WWC1: variants seen among roughly 807,000 people sequenced by gnomAD.
WWC1 encodes WW and C2 domain containing 1.
Under a neutral mutation model 138.4 loss-of-function variants are expected in WWC1, and 55 were observed. That is an observed-to-expected ratio of 0.40 (90% confidence interval 0.32 to 0.50). The LOEUF is 0.50. Ranked by LOEUF, WWC1 falls within the 20% of genes least tolerant of loss-of-function variation. The pLI, the probability that WWC1 is intolerant of heterozygous loss-of-function variation, is 0.72. For missense variants in WWC1, 1,226 were observed against 1,420.4 expected (o/e 0.86, Z 2.20); for synonymous variants, 524 against 564.9 (o/e 0.93, Z 1.03).
At chr5:168,466,125 C>T (rs551032750) in intron 21 of WWC1, among the ~76,000 whole-genome samples, 1 of 152,246 alleles carries the variant, frequency 6.6e-6, no homozygotes, top group South Asian at 2.1e-4. Context: ...GGTACAGTTT[C>T]ACAGGGTATG....
At chr5:168,426,498 C>T (rs1313913176) in intron 11 of WWC1, among the ~76,000 whole-genome samples, 2 of 152,188 alleles carry the variant, frequency 1.3e-5, no homozygotes, top group Non-Finnish European at 2.9e-5. Flanking sequence ...ATGCCATCTC[C>T]AGAAGCCTTC....
At chr5:168,327,744 C>T (rs1198659322) in intron 1 of WWC1, among the ~76,000 whole-genome samples, 2 of 152,180 alleles carry the variant, frequency 1.3e-5, no homozygotes, top group Admixed American at 6.5e-5. Flanking sequence ...ATTCCCTTAA[C>T]AAAAGCCTGA....
intron 1 of WWC1, among the ~76,000 whole-genome samples, chr5:168,298,842 G>A (rs1262451265): frequency 1.3e-5 from 2 of 152,262 alleles, no homozygotes; most frequent in African/African-American, 4.8e-5. Flanking sequence ...TCAGCACTTT[G>A]GGAGGTCGAG....
chr5:168,372,053 T>TGTG (rs1776797418), intron 2 of WWC1, among the ~76,000 whole-genome samples: 1 of 141,262 alleles, frequency 7.1e-6, no homozygotes, highest in Non-Finnish European at 1.5e-5. Context: ...AAGAGTGTGT[T>TGTG]TGTGTGTGTG....
chr5:168,295,628 A>T (rs751180038), intron 1 of WWC1, among the ~76,000 whole-genome samples: 5 of 152,136 alleles, frequency 3.3e-5, no homozygotes, highest in Non-Finnish European at 7.4e-5. Flanking sequence ...GTGATTTCTT[A>T]GCCACCAAGG....
intron 19 of WWC1, among the ~76,000 whole-genome samples, chr5:168,458,395 C>T (rs574760298): frequency 9.3e-4 from 142 of 152,292 alleles, no homozygotes; most frequent in African/African-American, 3.3e-3. Flanking sequence ...CGGGTCTGAT[C>T]GTGAGTAGCC....
Position 168,464,877 on chromosome 5 carries a change from C to A in WWC1, c.3065C>A (p.Ala1022Asp). 6.2e-7 allele frequency: 1 copy of A among 1,614,206 alleles called. No individual in the cohort carries two copies. Among genetic ancestry groups the A allele is most frequent in the Non-Finnish European group, 8.5e-7 (1 of 1,180,036 alleles). Residue 1022 changes from alanine to aspartate, a missense_variant, in exon 21 of 23, where the codon GCC becomes GAC. Coordinates refer to ENST00000265293, the MANE Select transcript of WWC1 (RefSeq NM_015238.3). ...GAGCTCAAGGAGCAGCTGGAACAAG[C>A]CAAGAGCCACGGGGAGAAGGAGCTG... ...LKELKEQLEQ[A>D]KSHGEKELPQ...
intron 22 of WWC1, 137 bp from the exon 23 acceptor site, chr5:168,468,814 G>A: frequency 2.5e-6 from 2 of 808,956 alleles, no homozygotes; most frequent in East Asian, 2.7e-5. Context: ...CATCTAGAGG[G>A]TAAGAGGCCA....
Position 168,332,272 on chromosome 5 carries a change from G to A in WWC1, c.120-39152G>A, listed in dbSNP as rs557622567. 2.6e-5 allele frequency among the ~76,000 whole-genome samples: 4 copies of A among 152,222 alleles called. No homozygotes were observed. The East Asian group carries it at 7.7e-4, about 29-fold the overall frequency. On this transcript the variant is annotated intron_variant, in intron 1 of 22. Coordinates refer to ENST00000265293, the MANE Select transcript of WWC1 (RefSeq NM_015238.3). ...AGAAGGGGCTCAATCTTATACCATA[G>A]TTCATTCATTTCATTTAACTTCCTT... is the stretch of plus-strand genomic sequence containing the variant.
Position 168,414,343 on chromosome 5 carries a change from C to T in WWC1, c.942-5C>T, listed in dbSNP as rs763470128. 7.4e-6 allele frequency: 12 copies of T among 1,612,352 alleles called. No homozygotes were observed. The highest frequency in any genetic ancestry group is 5.0e-5 in the Admixed American group (3 of 59,834). ...ACCAGTCATGCTTGCTTTCTTGGCC[C>T]CCAGGATCGCCAACCTGAAGATCCA... On this transcript the variant is annotated splice_region_variant and splice_polypyrimidine_tract_variant and intron_variant, in intron 8 of 22. Transcript: ENST00000265293.
chr5:168,401,498 A>G (rs978293286), intron 5 of WWC1, among the ~76,000 whole-genome samples: 2 of 152,130 alleles, frequency 1.3e-5, no homozygotes, highest in Non-Finnish European at 2.9e-5. Flanking sequence ...TCCAAGCCCT[A>G]TTAGTTGAGG....
At position 168,352,558 on chromosome 5, in the gene WWC1, C is replaced by T. The variant is rs534931766; in HGVS notation, c.120-18866C>T. Among the ~76,000 whole-genome samples, 15 of 151,566 alleles carry T rather than the reference C, an allele frequency of 9.9e-5. No individual in the cohort carries two copies. In the South Asian group the frequency reaches 3.2e-3, roughly 32 times the overall value. ...CTTGACCTCTCCATGCCTTAGTTTT[C>T]ATCTGAAATGAGGATTATATATATA... On this transcript the variant is annotated intron_variant, in intron 1 of 22. Coordinates refer to ENST00000265293, the MANE Select transcript of WWC1 (RefSeq NM_015238.3).
intron 1 of WWC1, among the ~76,000 whole-genome samples, chr5:168,366,125 G>C (rs377514240): frequency 6.6e-6 from 1 of 152,224 alleles, no homozygotes; most frequent in Non-Finnish European, 1.5e-5. Context: ...GGGGGACGGG[G>C]GGTGGCTGGT....
chr5:168,386,617 G>A (rs1044433913), intron 3 of WWC1, among the ~76,000 whole-genome samples: 6 of 151,340 alleles, frequency 4.0e-5, no homozygotes, highest in South Asian at 2.1e-4. Context: ...GGATGATCTC[G>A]ATCTCCTGTC....
chr5:168,450,684 T>A (rs1411761925), intron 17 of WWC1, among the ~76,000 whole-genome samples: 1 of 151,952 alleles, frequency 6.6e-6, no homozygotes, highest in East Asian at 1.9e-4. Flanking sequence ...AAAATAAAAT[T>A]AATCTCAAAT....
chr5:168,296,147 C>T (rs72838326), intron 1 of WWC1, among the ~76,000 whole-genome samples: 13,074 of 152,244 alleles, frequency 0.086, 860 homozygotes, highest in South Asian at 0.13. Context: ...CGATTGTTCT[C>T]GGAGGAAGAA....
chr5:168,465,548 CTTTTTTTTTTTTTT>C lies in WWC1; in HGVS notation c.3150+601_3150+614del, dbSNP rs10527141. On this transcript the variant is annotated intron_variant, in intron 21 of 22. Transcript: ENST00000265293. The stretch of plus-strand genomic sequence containing the variant: ...CACACAAAGTTTTATATCAGCTGGG[CTTTTTTTTTTTTTT>C]TTTTTTTTTTTTTTGGAGATGGGTT... Among the ~76,000 whole-genome samples, 20 of 46,934 alleles carry C rather than the reference CTTTTTTTTTTTTTT, an allele frequency of 4.3e-4. 2 individuals are homozygous for C. Among genetic ancestry groups the C allele is most frequent in the African/African-American group, 1.3e-3 (16 of 11,916 alleles). The allele number at this position is 46,934 out of a possible 152,430, so 30.8% of individuals were successfully genotyped here.
intron 1 of WWC1, among the ~76,000 whole-genome samples, chr5:168,343,566 G>A (rs1774221610): frequency 6.6e-6 from 1 of 152,184 alleles, no homozygotes; most frequent in African/African-American, 2.4e-5. Context: ...GCTCACGCCT[G>A]TAATCCCAAC....
Position 168,399,479 on chromosome 5 carries a change from G to C in WWC1, c.511-9G>C. ...GACCCAGCCCTGTGTGTGGTCTGCT[G>C]CCCTCCAGGTCAACAAGCTGAAGAG... On this transcript the variant is annotated splice_polypyrimidine_tract_variant and intron_variant, in intron 4 of 22. Coordinates refer to ENST00000265293, the MANE Select transcript of WWC1 (RefSeq NM_015238.3). 1.2e-6 allele frequency: 2 copies of C among 1,614,046 alleles called. No homozygotes were observed. Among genetic ancestry groups the C allele is most frequent in the Non-Finnish European group, 1.7e-6 (2 of 1,179,986 alleles).
Sources: allele counts gnomAD v4.1 joint callset (sites outside exome capture counted in the v4.1 genomes callset), GRCh38; gene constraint gnomAD v4.1.1; transcripts MANE v1.5; gene names NCBI Gene and HGNC (gene_info 2026-07-23, HGNC 2026-07-21).